MCC: variants seen among roughly 807,000 people sequenced by gnomAD.
MCC encodes MCC regulator of Wnt signaling pathway, also known as colorectal mutant cancer protein.
MCC carries 90 observed loss-of-function variants against 116.2 expected under a neutral mutation model. The ratio of observed to expected loss-of-function variants is 0.77; its 90% CI spans 0.65 to 0.92. MCC has a LOEUF of 0.92. Among genes scored for constraint, MCC ranks in the 40% least tolerant of loss-of-function variants. MCC has a pLI of 0.00. For missense variants in MCC, 1,516 were observed against 1,312.2 expected, an observed-to-expected ratio of 1.16 and a Z score of -2.40; for synonymous variants, 578 against 510.5, an observed-to-expected ratio of 1.13 and a Z score of -1.78.
intron 6 of MCC, among the ~76,000 whole-genome samples, chr5:113,115,034 G>A (rs571006826): frequency 2.6e-5 from 4 of 152,234 alleles, no homozygotes; most frequent in East Asian, 3.9e-4. Flanking sequence ...AGCTGTCCAC[G>A]AACAGCAAAG....
chr5:113,114,835 A>G lies in MCC; in HGVS notation c.1027+7849T>C, dbSNP rs967997179. 3.3e-5 allele frequency among the ~76,000 whole-genome samples: 5 copies of G among 152,164 alleles called. 1 individual carries two copies. The highest frequency in any genetic ancestry group is 1.2e-4 in the African/African-American group (5 of 41,426). ...CCTGCTGAGAGCCACTTTTATTGGC[A>G]ATAAAATCCTCTGTATTCACCACCC... On this transcript the variant is annotated intron_variant, in intron 6 of 18. Transcript: ENST00000408903.
rs148704853 is a variant in MCC at position 113,335,357 on chromosome 5, C to T, written c.627+5162G>A. 2.1e-3 allele frequency among the ~76,000 whole-genome samples: 319 copies of T among 151,768 alleles called. 14 individuals are homozygous for T. The highest frequency in any genetic ancestry group is 7.4e-3 in the African/African-American group (306 of 41,088). ...TTCTAGTATAATTAATTTTAATGTA[C>T]ATCAATTAATACTTTTATTAATAAA... is the stretch of plus-strand genomic sequence containing the variant. On this transcript the variant is annotated intron_variant, in intron 3 of 18. Transcript: ENST00000408903.
At chr5:113,193,845 G>C (rs1384989528) in intron 3 of MCC, among the ~76,000 whole-genome samples, 2 of 151,994 alleles carry the variant, frequency 1.3e-5, no homozygotes, top group Admixed American at 6.5e-5. Context: ...TATACACCTA[G>C]GAATTCCTCC....
At chr5:113,235,495 T>C (rs1581292440) in intron 3 of MCC, among the ~76,000 whole-genome samples, 1 of 152,214 alleles carries the variant, frequency 6.6e-6, no homozygotes, top group Non-Finnish European at 1.5e-5. Context: ...AAGTGGAATT[T>C]AGCACTTGGG....
intron 1 of MCC, among the ~76,000 whole-genome samples, chr5:113,476,782 G>A (rs1257054326): frequency 1.3e-5 from 2 of 152,060 alleles, no homozygotes; most frequent in East Asian, 1.9e-4. Flanking sequence ...ATGGGTACAG[G>A]GTTTCTTTTT....
intron 4 of MCC, among the ~76,000 whole-genome samples, chr5:113,147,085 C>G (rs1759569809): frequency 6.6e-6 from 1 of 152,232 alleles, no homozygotes; most frequent in Admixed American, 6.5e-5. Flanking sequence ...GTGCTAAATA[C>G]ATACCCGGAG....
At chr5:113,189,495 T>G (rs780231063) in intron 3 of MCC, among the ~76,000 whole-genome samples, 2 of 152,184 alleles carry the variant, frequency 1.3e-5, no homozygotes, top group Non-Finnish European at 2.9e-5. Context: ...GTCCGAGAAT[T>G]TAACTGGATA....
chr5:113,033,543 T>G (rs190381877), intron 17 of MCC, among the ~76,000 whole-genome samples: 3 of 152,360 alleles, frequency 2.0e-5, no homozygotes, highest in African/African-American at 4.8e-5. Context: ...TTTATATGGT[T>G]TGGGTACATA....
At chr5:113,242,073 C>T (rs1343253178) in intron 3 of MCC, among the ~76,000 whole-genome samples, 1 of 151,886 alleles carries the variant, frequency 6.6e-6, no homozygotes, top group Non-Finnish European at 1.5e-5. Context: ...GCTTCTAACT[C>T]CTTACTGGTG....
chr5:113,204,771 G>C (rs1268264947), intron 3 of MCC, among the ~76,000 whole-genome samples: 1 of 152,182 alleles, frequency 6.6e-6, no homozygotes, highest in Non-Finnish European at 1.5e-5. Flanking sequence ...ATCTACTTCT[G>C]ATCATATTAC....
At chr5:113,240,801 T>G (rs1385609288) in intron 3 of MCC, among the ~76,000 whole-genome samples, 1 of 152,220 alleles carries the variant, frequency 6.6e-6, no homozygotes, top group South Asian at 2.1e-4. Flanking sequence ...CCAGAATCTG[T>G]GCTCCAGAAG....
intron 13 of MCC, among the ~76,000 whole-genome samples, chr5:113,065,180 T>C (rs969130432): frequency 6.6e-6 from 1 of 152,204 alleles, no homozygotes; most frequent in Non-Finnish European, 1.5e-5. Context: ...TGAACTCTGA[T>C]GTAAACTATG....
chr5:113,112,090 C>A, intron 6 of MCC, among the ~76,000 whole-genome samples: 1 of 152,252 alleles, frequency 6.6e-6, no homozygotes, highest in East Asian at 1.9e-4. Flanking sequence ...ACCAAGCAGT[C>A]CCCTCTTTAC....
intron 8 of MCC, among the ~76,000 whole-genome samples, chr5:113,088,804 T>C (rs907724358): frequency 2.6e-5 from 4 of 152,236 alleles, no homozygotes; most frequent in African/African-American, 4.8e-5. Context: ...AAATACTCCT[T>C]CTTCATTGAA....
intron 14 of MCC, among the ~76,000 whole-genome samples, chr5:113,054,679 T>TA (rs1752696532): frequency 6.6e-6 from 1 of 152,212 alleles, no homozygotes; most frequent in Non-Finnish European, 1.5e-5. Flanking sequence ...CCCCCTGGCC[T>TA]TCACAGGATA....
intron 1 of MCC, among the ~76,000 whole-genome samples, chr5:113,423,518 T>C (rs1388718158): frequency 2.0e-5 from 3 of 152,314 alleles, no homozygotes; most frequent in South Asian, 2.1e-4. Flanking sequence ...TTACTGTGAA[T>C]AATGAGAATT....
In MCC at chr5:113,385,801, T is replaced by C. The variant is rs1385382405; in HGVS notation, c.171-589A>G. ...TTTCCACCTTCCCACAAGCAATCAG[T>C]GAGCCCTAAGACTAAGAGCAGGGAT... On this transcript the variant is annotated intron_variant, in intron 1 of 18. Coordinates refer to ENST00000408903, the MANE Select transcript of MCC (RefSeq NM_001085377.2). Among the ~76,000 whole-genome samples the C allele has an allele frequency of 2.0e-5, 3 of 152,286 alleles. No homozygotes were observed. The East Asian group carries it at 5.8e-4, about 29-fold the overall frequency.
chr5:113,174,260 C>T (rs115526799), intron 3 of MCC, among the ~76,000 whole-genome samples: 2 of 152,254 alleles, frequency 1.3e-5, no homozygotes, highest in East Asian at 1.9e-4. Context: ...TGTCTTCTTC[C>T]TGGCTCCTTG....
intron 4 of MCC, among the ~76,000 whole-genome samples, chr5:113,148,024 G>A (rs1334603973): frequency 6.6e-6 from 1 of 152,200 alleles, no homozygotes; most frequent in Non-Finnish European, 1.5e-5. Flanking sequence ...TTTTAAAGGG[G>A]TTCATAAGCT....
Sources: allele counts gnomAD v4.1 joint callset (sites outside exome capture counted in the v4.1 genomes callset), GRCh38; gene constraint gnomAD v4.1.1; transcripts MANE v1.5; gene names NCBI Gene and HGNC (gene_info 2026-07-23, HGNC 2026-07-21).